The following MED14 variants were observed in gnomAD, a reference collection of about 807,000 sequenced individuals.
The protein encoded by MED14 is mediator of RNA polymerase II transcription subunit 14.
Under a neutral mutation model 109.0 loss-of-function variants are expected in MED14, and 8 were observed. The ratio of observed to expected loss-of-function variants is 0.07; its 90% confidence interval spans 0.04 to 0.13. MED14 has a LOEUF of 0.13. Among genes scored for constraint, MED14 ranks in the 10% least tolerant of loss-of-function variants. The pLI, the probability that MED14 is intolerant of heterozygous loss-of-function variation, is 1.00. For missense variants in MED14, 711 were observed against 1,142.4 expected (o/e 0.62, Z 5.44); for synonymous variants, 399 against 408.7 (o/e 0.98, Z 0.29).
At chrX:40,661,150 C>T (rs779215406) in intron 26 of MED14, among the ~76,000 whole-genome samples, 1 of 112,396 alleles carries the variant, frequency 8.9e-6, no homozygotes, top group East Asian at 2.8e-4. Flanking sequence ...GGCACGATCT[C>T]GGCTCACTGC....
chrX:40,715,807 AAAAAAG>A (rs1367345998), intron 3 of MED14, among the ~76,000 whole-genome samples: 2 of 104,298 alleles, frequency 1.9e-5, no homozygotes, highest in South Asian at 4.1e-4. Context: ...AAAAAAAAAA[AAAAAAG>A]GACAGACAAC....
At chrX:40,692,413 C>T (rs1421993663) in intron 14 of MED14, 96 bp from the exon 15 acceptor site, 1 of 668,835 alleles carries the variant, frequency 1.5e-6, no homozygotes, top group Non-Finnish European at 2.2e-6. Context: ...GAAGAAAGCT[C>T]AGGGTTAACC....
rs1028747194 is a variant in MED14, at chrX:40,651,364, G to A, written c.*442C>T. The A allele has an allele frequency of 1.3e-5, 10 of 746,586 alleles. No individual in the cohort carries two copies. Among genetic ancestry groups the A allele is most frequent in the Middle Eastern group, 7.6e-4 (1 of 1,314 alleles). 61.5% of individuals were successfully genotyped at this position (746,586 alleles called of 1,213,427 possible). On this transcript the variant is annotated 3_prime_UTR_variant, in exon 31 of 31. Transcript: ENST00000324817. ...AACATTTCATGTAAGGATTCAAAGC[G>A]GTCATATTAAAATACAGCTTCAATA... is the stretch of plus-strand genomic sequence containing the variant.
chrX:40,702,346 G>GTTTTTTT (rs35345632), intron 11 of MED14, among the ~76,000 whole-genome samples: 14 of 82,181 alleles, frequency 1.7e-4, no homozygotes, highest in Non-Finnish European at 2.3e-4. Flanking sequence ...TATAAGTTTT[G>GTTTTTTT]TTTTTTTTTT....
chrX:40,671,943 A>C lies in MED14; in HGVS notation c.3051T>G (p.Gly1017=). The change falls in exon 23 of 31, where the codon GGT becomes GGG. Residue 1017 remains glycine (G), a synonymous_variant. Transcript: ENST00000324817. The part of the protein sequence containing the change: ...QPFPKQPGTS[G]AYPLTSPPTS... ...TAGGGGGTGAAGTAAGAGGATAAGC[A>C]CCTGATGTTCCTGGCTGCTTTGGAA... The C allele has an allele frequency of 8.3e-7, 1 of 1,203,140 alleles. No individual in the cohort carries two copies.
chrX:40,693,379 T>G (rs961699518), intron 13 of MED14, among the ~76,000 whole-genome samples: 1 of 111,008 alleles, frequency 9.0e-6, no homozygotes, highest in East Asian at 2.8e-4. Flanking sequence ...CTTGTAATAG[T>G]GAATGGGTCT....
At chrX:40,667,410 A>C (rs1455198593) in intron 23 of MED14, among the ~76,000 whole-genome samples, 1 of 112,080 alleles carries the variant, frequency 8.9e-6, no homozygotes, top group Non-Finnish European at 1.9e-5. Context: ...GAGGATACCC[A>C]GGGGATGAGA....
At chrX:40,679,369 T>C (rs1045747552) in intron 21 of MED14, among the ~76,000 whole-genome samples, 63 of 111,010 alleles carry the variant, frequency 5.7e-4, no homozygotes, top group African/African-American at 1.9e-3. Context: ...TAGCCAGGTG[T>C]GGTGGTGCAT....
chrX:40,702,263 T>C (rs1048948499), intron 11 of MED14, among the ~76,000 whole-genome samples: 2 of 112,374 alleles, frequency 1.8e-5, no homozygotes, highest in African/African-American at 6.5e-5. Context: ...TTCTGTTGCT[T>C]TTCTAATTTT....
intron 3 of MED14, 44 bp from the exon 4 acceptor site, chrX:40,714,754 T>C (rs1391942882): frequency 5.5e-6 from 6 of 1,086,146 alleles, no homozygotes; most frequent in Admixed American, 5.0e-5. Flanking sequence ...CTGAAAACTA[T>C]CTCCTTTTCA....
chrX:40,692,368 A>C, intron 14 of MED14, 51 bp from the exon 15 acceptor site: 1 of 914,881 alleles, frequency 1.1e-6, no homozygotes, highest in Non-Finnish European at 1.5e-6. Flanking sequence ...AAAAAAGTAC[A>C]TGTGATGCAA....
At chrX:40,665,003 T>C (rs1304529442) in intron 24 of MED14, among the ~76,000 whole-genome samples, 1 of 111,886 alleles carries the variant, frequency 8.9e-6, no homozygotes, top group East Asian at 2.8e-4. Flanking sequence ...TCACCCTCCA[T>C]TGGTATCTAC....
At chrX:40,713,736 C>T (rs751709595) in intron 5 of MED14, 42 bp downstream of exon 5, 1 of 1,200,174 alleles carries the variant, frequency 8.3e-7, no homozygotes, top group Middle Eastern at 2.3e-4. Flanking sequence ...AGCCACCGCA[C>T]CTGGCCATCA....
chrX:40,688,482 C>T lies in MED14; in HGVS notation c.2029G>A (p.Gly677Ser), dbSNP rs1429956639. ...PHQGVQVEGD[G>S]FSHAIRLLKI... ...AATAAGCGAATTGCATGGCTGAAGC[C>T]ATCACCTTCCACTTGCACTCCTTGA... Residue 677 changes from glycine (G) to serine (S), a missense_variant, in exon 16 of 31, where the codon GGC (glycine) becomes AGC (serine). By Grantham distance (56) the Gly-to-Ser change is moderately conservative. This residue lies in a region of MED14 where 388 missense variants were observed against 517.3 expected (regional missense o/e 0.75). Transcript: ENST00000324817. 2.5e-6 allele frequency: 3 copies of T among 1,206,019 alleles called. No homozygotes were observed. Among genetic ancestry groups the T allele is most frequent in the East Asian group, 5.9e-5 (2 of 33,788 alleles).
intron 19 of MED14, 45 bp from the exon 20 acceptor site, chrX:40,680,955 G>C: frequency 1.1e-6 from 1 of 872,501 alleles, no homozygotes; most frequent in Non-Finnish European, 1.6e-6. Context: ...GAAAGTAACA[G>C]ATTCAAGTAG....
intron 8 of MED14, 65 bp downstream of exon 8, chrX:40,711,104 A>G: frequency 1.8e-6 from 2 of 1,113,874 alleles, no homozygotes; most frequent in Admixed American, 5.0e-5. Flanking sequence ...TGTATGAGAG[A>G]AAAAGAGAAA....
rs200154130 is a variant in MED14, at chrX:40,695,914, CAACA to C, written c.1650+1106_1650+1109del. 5.4e-3 allele frequency among the ~76,000 whole-genome samples: 599 copies of C among 111,527 alleles called. 3 individuals are homozygous for C. The highest frequency in any genetic ancestry group is 0.018 in the African/African-American group (563 of 30,762). Reference sequence around the variant, plus strand: ...TTAAAAAGTTCACTCCCATTACTTTCAACAAACAATCTTGAATTAAAATTTTTAT... The same window carrying C: ...TTAAAAAGTTCACTCCCATTACTTTCAACAATCTTGAATTAAAATTTTTAT... On this transcript the variant is annotated intron_variant, in intron 13 of 30. Transcript: ENST00000324817.
chrX:40,688,643 C>G (rs1930383808), intron 15 of MED14, 113 bp from the exon 16 acceptor site: 1 of 487,676 alleles, frequency 2.1e-6, no homozygotes, highest in Non-Finnish European at 3.6e-6. Flanking sequence ...ATCCTTTCCC[C>G]AAGTTACAAC....
At chrX:40,714,404 T>C (rs1931442915) in intron 4 of MED14, 133 bp downstream of exon 4, 1 of 614,031 alleles carries the variant, frequency 1.6e-6, no homozygotes, top group Non-Finnish European at 2.4e-6. Context: ...CAACTTTAGT[T>C]ACAGAGAAAA....
Sources: allele counts gnomAD v4.1 joint callset (sites outside exome capture counted in the v4.1 genomes callset), GRCh38; gene constraint gnomAD v4.1.1; regional missense constraint gnomAD v4.1.1; transcripts MANE v1.5; gene names NCBI Gene and HGNC (gene_info 2026-07-23, HGNC 2026-07-21).